Variants in CSNK2A1 observed in about 807,000 individuals in gnomAD.
The protein encoded by CSNK2A1 is casein kinase II subunit alpha.
In CSNK2A1, 10 loss-of-function variants were observed where a neutral mutation model predicts 62.9. The ratio of observed to expected loss-of-function variants is 0.16; its 90% CI spans 0.10 to 0.27. The LOEUF is 0.27. Ranked by LOEUF, CSNK2A1 falls within the 10% of genes least tolerant of loss-of-function variation. The pLI, the probability that CSNK2A1 is intolerant of heterozygous loss-of-function variation, is 1.00. For synonymous variants in CSNK2A1, 124 were observed against 167.8 expected (o/e 0.74, Z 2.02); for missense variants, 160 against 492.0 (o/e 0.33, Z 6.38).
chr20:493,905 T>C (rs1485332066), intron 8 of CSNK2A1, among the ~76,000 whole-genome samples: 1 of 152,246 alleles, frequency 6.6e-6, no homozygotes, highest in East Asian at 1.9e-4. Flanking sequence ...ATCCAAGTTG[T>C]TGCATGTGTC....
rs78533580 is a variant in CSNK2A1 at position 488,139 on chromosome 20, A to C, written c.824+539T>G. The C allele has an allele frequency of 9.4e-4, 151 of 160,826 alleles. 1 individual carries two copies. The East Asian group carries it at 0.026, about 27-fold the overall frequency. 10.0% of individuals were successfully genotyped at this position (160,826 alleles called of 1,614,324 possible). On this transcript the variant is annotated intron_variant, in intron 11 of 13. Transcript: ENST00000217244. Reference sequence around the variant, plus strand: ...CTCTGTAGCATTCCCTCCTGGGCTCAAGGGAAGCTCCTGCCTCAGCTTCCT... The same window carrying C: ...CTCTGTAGCATTCCCTCCTGGGCTCCAGGGAAGCTCCTGCCTCAGCTTCCT...
intron 13 of CSNK2A1, among the ~76,000 whole-genome samples, chr20:485,066 C>CAAAAA (rs1157352244): frequency 4.5e-5 from 1 of 22,032 alleles, no homozygotes; most frequent in Non-Finnish European, 7.5e-5. Flanking sequence ...ACCTTGTCTC[C>CAAAAA]AAAAAAAAAA....
chr20:528,239 TC>T (rs2122633727), intron 1 of CSNK2A1, among the ~76,000 whole-genome samples, 190 bp from the exon 2 acceptor site: 1 of 152,302 alleles, frequency 6.6e-6, no homozygotes, highest in Admixed American at 6.5e-5. Flanking sequence ...CCCACTCCCT[TC>T]TTTACTGCCA....
At chr20:535,371 T>C (rs1378545996) in intron 1 of CSNK2A1, among the ~76,000 whole-genome samples, 2 of 152,244 alleles carry the variant, frequency 1.3e-5, no homozygotes. Flanking sequence ...AATACTTAAT[T>C]GCTAGGCAAT....
intron 2 of CSNK2A1, among the ~76,000 whole-genome samples, chr20:527,377 C>A (rs763493847): frequency 7.2e-5 from 11 of 152,172 alleles, no homozygotes; most frequent in Non-Finnish European, 1.5e-4. Context: ...TGTCTTTGAA[C>A]TGCACAGATT....
chr20:527,750 G>A (rs2019127838), intron 2 of CSNK2A1, among the ~76,000 whole-genome samples, 183 bp downstream of exon 2: 1 of 151,904 alleles, frequency 6.6e-6, no homozygotes, highest in South Asian at 2.1e-4. Flanking sequence ...CACTGCCCAG[G>A]CTGGTCTCAA....
At chr20:497,821 A>T in intron 6 of CSNK2A1, 41 bp from the exon 7 acceptor site, 1 of 1,577,600 alleles carries the variant, frequency 6.3e-7, no homozygotes. Context: ...TAATGCTGAC[A>T]GAAAGGCATT....
At chr20:485,287 G>A (rs947446541) in intron 13 of CSNK2A1, among the ~76,000 whole-genome samples, 2 of 150,650 alleles carry the variant, frequency 1.3e-5, no homozygotes, top group East Asian at 2.0e-4. Flanking sequence ...AAGTTCAAGC[G>A]ATTATCTTGC....
rs995229539 is a variant in CSNK2A1, at chr20:476,360, G to C, written c.*7601C>G. 3 of 152,366 alleles carry C rather than the reference G, an allele frequency of 2.0e-5. No individual in the cohort carries two copies. Among genetic ancestry groups the C allele is most frequent in the Non-Finnish European group, 2.9e-5 (2 of 68,152 alleles). 9.4% of individuals were successfully genotyped at this position (152,366 alleles called of 1,614,324 possible). A position where few individuals can be genotyped will look rare whatever the true frequency, so the allele number is the denominator to read the frequency against. Reference sequence around the variant, plus strand: ...TGTAACCGCCACCTCCCAGGCTCAAGCAATTCTCCTGCCTCAGCCTCCCAA... The same window carrying C: ...TGTAACCGCCACCTCCCAGGCTCAACCAATTCTCCTGCCTCAGCCTCCCAA... On this transcript the variant is annotated 3_prime_UTR_variant, in exon 14 of 14. Coordinates refer to ENST00000217244, the MANE Select transcript of CSNK2A1 (RefSeq NM_177559.3).
At position 533,941 on chromosome 20, in the gene CSNK2A1, C is replaced by T. The variant is rs112256801; in HGVS notation, c.-226-5892G>A. On this transcript the variant is annotated intron_variant, in intron 1 of 13. Transcript: ENST00000217244. ...TCATCATCTATACACCTTTTTACCA[C>T]GCCATATAAGCAAAATAAAGTCACA... Among the ~76,000 whole-genome samples, 113 of 152,314 alleles carry T rather than the reference C, an allele frequency of 7.4e-4. 1 individual carries two copies. Among genetic ancestry groups the T allele is most frequent in the African/African-American group, 2.3e-3 (95 of 41,564 alleles).
rs952551380 is a variant in CSNK2A1 at position 539,607 on chromosome 20, A to C, written c.-227+4065T>G. On this transcript the variant is annotated intron_variant, in intron 1 of 13. Coordinates refer to ENST00000217244, the MANE Select transcript of CSNK2A1 (RefSeq NM_177559.3). ...TACCTAAGATCCTTAACTTTAATTA[A>C]ATCTACTTAACATATTCATGTTCCA... 5 of 152,288 alleles carry C rather than the reference A, an allele frequency of 3.3e-5. No homozygotes were observed. In the East Asian group the frequency reaches 7.7e-4, roughly 24 times the overall value. 9.4% of individuals were successfully genotyped at this position (152,288 alleles called of 1,614,324 possible). A position where few individuals can be genotyped will look rare whatever the true frequency, so the allele number is the denominator to read the frequency against.
At chr20:528,864 T>A (rs935517687) in intron 1 of CSNK2A1, among the ~76,000 whole-genome samples, 3 of 152,178 alleles carry the variant, frequency 2.0e-5, no homozygotes, top group African/African-American at 7.2e-5. Context: ...GAGGTAGTGA[T>A]TGGAAAACAT....
At chr20:542,274 G>A (rs1249695208) in intron 1 of CSNK2A1, among the ~76,000 whole-genome samples, 1 of 152,168 alleles carries the variant, frequency 6.6e-6, no homozygotes, top group Non-Finnish European at 1.5e-5. Context: ...CCCTTTTACA[G>A]ACGGGAAAAC....
rs2017833173 is a variant in CSNK2A1 at position 475,564 on chromosome 20, A to G, written c.*8397T>C. 1 of 152,150 alleles carries G rather than the reference A, an allele frequency of 6.6e-6. No homozygotes were observed. The highest frequency in any genetic ancestry group is 1.5e-5 in the Non-Finnish European group (1 of 68,054). 9.4% of individuals were successfully genotyped at this position (152,150 alleles called of 1,614,324 possible). On this transcript the variant is annotated 3_prime_UTR_variant, in exon 14 of 14. Coordinates refer to ENST00000217244, the MANE Select transcript of CSNK2A1 (RefSeq NM_177559.3). ...TCTGTTCCTACTGATATATATGAAT[A>G]GTATGGCTGATTGCATTATTGGTTT...
intron 2 of CSNK2A1, among the ~76,000 whole-genome samples, chr20:520,328 T>C (rs1221716395): frequency 6.6e-6 from 1 of 152,116 alleles, no homozygotes; most frequent in African/African-American, 2.4e-5. Context: ...CTTAAACTTA[T>C]TACAAAGCTA....
chr20:502,770 C>T (rs1361661239), intron 4 of CSNK2A1: 3 of 152,164 alleles, frequency 2.0e-5, no homozygotes, highest in Non-Finnish European at 2.9e-5. Flanking sequence ...TCCAGGCCTT[C>T]GCCAACTTAA....
rs368630997 is a variant in CSNK2A1, at chr20:488,749, T to C, written c.753A>G (p.Thr251=). 18 of 1,613,866 alleles carry C rather than the reference T, an allele frequency of 1.1e-5. No individual in the cohort carries two copies. The highest frequency in any genetic ancestry group is 1.4e-5 in the Non-Finnish European group (17 of 1,179,934). The change falls in exon 11 of 14, where the codon ACA becomes ACG. Residue 251 remains threonine, a synonymous_variant. Transcript: ENST00000217244. The part of the protein sequence containing the change: ...QLVRIAKVLG[T]EDLYDYIDKY... ...TGTCAATATAGTCATATAAATCTTC[T>C]GTCCCCAGAACCTTGGCTATCCTCA...
chr20:511,727 CACA>C (rs2018725214), intron 2 of CSNK2A1, among the ~76,000 whole-genome samples: 1 of 150,282 alleles, frequency 6.7e-6, no homozygotes, highest in South Asian at 2.1e-4. Context: ...CACACACACA[CACA>C]CCACATTTTG....
intron 3 of CSNK2A1, chr20:507,785 A>G (rs1218510963): frequency 6.6e-6 from 1 of 152,250 alleles, no homozygotes; most frequent in Non-Finnish European, 1.5e-5. Context: ...TCTCTCAAGT[A>G]TCACTTCTCA....
Sources: allele counts gnomAD v4.1 joint callset (sites outside exome capture counted in the v4.1 genomes callset), GRCh38; gene constraint gnomAD v4.1.1; transcripts MANE v1.5; gene names NCBI Gene and HGNC (gene_info 2026-07-23, HGNC 2026-07-21).